The following CFAP43 variants were observed in gnomAD, a reference collection of about 807,000 sequenced individuals.
CFAP43 encodes cilia- and flagella-associated protein 43.
In CFAP43, 155 loss-of-function variants were observed where a neutral mutation model predicts 218.9. The ratio of observed to expected loss-of-function variants is 0.71; its 90% confidence interval spans 0.62 to 0.81. The LOEUF is 0.81. CFAP43 is among the 30% of genes least tolerant of loss of function. The pLI is 0.00. For synonymous variants in CFAP43, 645 were observed against 681.3 expected (o/e 0.95, Z 0.83); for missense variants, 1,778 against 1,954.3 (o/e 0.91, Z 1.70).
chr10:104,164,554 C>T (rs934480010), intron 23 of CFAP43, among the ~76,000 whole-genome samples: 4 of 152,058 alleles, frequency 2.6e-5, no homozygotes, highest in Admixed American at 6.6e-5. Context: ...CCCGCTACCA[C>T]GCCCGGCTAA....
At chr10:104,134,304 A>G (rs543778492) in intron 34 of CFAP43, among the ~76,000 whole-genome samples, 1 of 152,288 alleles carries the variant, frequency 6.6e-6, no homozygotes, top group Non-Finnish European at 1.5e-5. Context: ...AGGCTGAGGC[A>G]GGAGGATCAC....
At chr10:104,133,809 C>T in intron 34 of CFAP43, 25 bp from the exon 35 acceptor site, 2 of 1,554,120 alleles carry the variant, frequency 1.3e-6, no homozygotes, top group Non-Finnish European at 8.7e-7. Context: ...ATTAGATATC[C>T]ATATAATATG....
chr10:104,136,275 A>AG lies in CFAP43; in HGVS notation c.4432-2492_4432-2491insC, dbSNP rs1564707872. ...CTCCATTTCAAAAAAAAAAAAAAAAAAAAGAAGAAAAGAAAAGAAGAAAGA... is the reference window on the plus strand; with the variant it reads ...CTCCATTTCAAAAAAAAAAAAAAAAAGAAAGAAGAAAAGAAAAGAAGAAAGA... On this transcript the variant is annotated intron_variant, in intron 34 of 37. Coordinates refer to ENST00000357060, the MANE Select transcript of CFAP43 (RefSeq NM_025145.7). Among the ~76,000 whole-genome samples the AG allele has an allele frequency of 6.7e-5, 10 of 149,872 alleles. 1 individual carries two copies. The highest frequency in any genetic ancestry group is 4.2e-4 in the South Asian group (2 of 4,768).
chr10:104,222,959 G>C (rs913995719), intron 3 of CFAP43, among the ~76,000 whole-genome samples: 11 of 152,212 alleles, frequency 7.2e-5, no homozygotes, highest in African/African-American at 2.4e-4. Context: ...TAAAGGACCA[G>C]ACAGTTAATC....
At chr10:104,131,062 A>G (rs1282691349) in intron 37 of CFAP43, among the ~76,000 whole-genome samples, 2 of 149,908 alleles carry the variant, frequency 1.3e-5, no homozygotes, top group Middle Eastern at 3.2e-3. Context: ...GGAGGCAGGG[A>G]GGGAGGAAGG....
chr10:104,203,932 A>T, intron 7 of CFAP43, 129 bp from the exon 8 acceptor site: 3 of 757,828 alleles, frequency 4.0e-6, no homozygotes, highest in Non-Finnish European at 5.7e-6. Context: ...ATGTTTGCAT[A>T]GATGCACTGT....
intron 5 of CFAP43, among the ~76,000 whole-genome samples, chr10:104,210,744 T>TAGGGCCTTGCACATGC (rs1266751151): frequency 6.6e-5 from 10 of 150,616 alleles, no homozygotes; most frequent in African/African-American, 2.4e-4. Context: ...CTTTTTCCCT[T>TAGGGCCTTGCACATGC]AGGGCCTTGC....
intron 31 of CFAP43, among the ~76,000 whole-genome samples, chr10:104,143,903 G>A (rs760053613): frequency 1.3e-5 from 2 of 152,170 alleles, no homozygotes; most frequent in African/African-American, 2.4e-5. Flanking sequence ...TCTGTGCTAG[G>A]ACACATTTCC....
intron 24 of CFAP43, 77 bp downstream of exon 24, chr10:104,164,017 G>T: frequency 1.4e-6 from 2 of 1,475,020 alleles, no homozygotes; most frequent in Non-Finnish European, 1.9e-6. Flanking sequence ...TTCCCACAGA[G>T]TAACCAAGTT....
chr10:104,230,455 A>T, intron 2 of CFAP43, 135 bp downstream of exon 2: 2 of 1,183,820 alleles, frequency 1.7e-6, no homozygotes, highest in Non-Finnish European at 2.3e-6. Context: ...ACAGGGCAAA[A>T]CTCCATCTCA....
At chr10:104,208,553 T>TA (rs2090763330) in intron 5 of CFAP43, among the ~76,000 whole-genome samples, 2 of 152,104 alleles carry the variant, frequency 1.3e-5, no homozygotes, top group African/African-American at 4.8e-5. Flanking sequence ...GCAGAAACAA[T>TA]AGTTTATAAT....
Position 104,207,610 on chromosome 10 carries a change from C to CA in CFAP43, c.895+54dup, listed in dbSNP as rs911269975. 1.1e-5 allele frequency: 17 copies of CA among 1,519,812 alleles called. No individual in the cohort carries two copies. In the African/African-American group the frequency reaches 2.1e-4, roughly 19 times the overall value. 94.1% of individuals were successfully genotyped at this position (1,519,812 alleles called of 1,614,324 possible). The stretch of plus-strand genomic sequence containing the variant: ...CAAGAAAGAGAAAAATAGGGAAAAC[C>CA]AAAAAAACCAACACCCATGGCTATA... On this transcript the variant is annotated intron_variant, in intron 6 of 37. Transcript: ENST00000357060.
intron 27 of CFAP43, among the ~76,000 whole-genome samples, chr10:104,155,554 G>C (rs186935971): frequency 1.6e-4 from 25 of 152,210 alleles, no homozygotes; most frequent in Middle Eastern, 3.4e-3. Context: ...GGGGAGGAGA[G>C]GCACAGGTAA....
chr10:104,221,852 C>T (rs1362047787), intron 3 of CFAP43, among the ~76,000 whole-genome samples: 5 of 152,060 alleles, frequency 3.3e-5, no homozygotes, highest in Non-Finnish European at 7.4e-5. Flanking sequence ...GGATTAAATG[C>T]ACTAACCCAT....
intron 10 of CFAP43, among the ~76,000 whole-genome samples, chr10:104,196,464 C>A (rs1261427331): frequency 6.6e-6 from 1 of 152,178 alleles, no homozygotes; most frequent in Non-Finnish European, 1.5e-5. Flanking sequence ...TTTCAGCACT[C>A]TCTTCCTCTC....
At chr10:104,152,820 G>A in intron 27 of CFAP43, 94 bp from the exon 28 acceptor site, 1 of 1,401,664 alleles carries the variant, frequency 7.1e-7, no homozygotes, top group Non-Finnish European at 9.6e-7. Context: ...GGGGCAGATG[G>A]AGGGCAGCCC....
chr10:104,215,617 C>G (rs1298943375), intron 3 of CFAP43, among the ~76,000 whole-genome samples: 2 of 152,138 alleles, frequency 1.3e-5, no homozygotes, highest in Non-Finnish European at 2.9e-5. Flanking sequence ...GTTGCCACCC[C>G]CCACCAGACC....
chr10:104,167,781 T>A, intron 21 of CFAP43, 44 bp from the exon 22 acceptor site: 1 of 1,461,028 alleles, frequency 6.8e-7, no homozygotes, highest in Non-Finnish European at 9.4e-7. Context: ...ATTTGTAGTA[T>A]AATTGTGTGT....
At chr10:104,164,067 G>A (rs1230284590) in intron 24 of CFAP43, 27 bp downstream of exon 24, 1 of 1,609,450 alleles carries the variant, frequency 6.2e-7, no homozygotes, top group Non-Finnish European at 8.5e-7. Flanking sequence ...GAGAAAGAAG[G>A]GAAAGGAGAA....
Sources: gnomAD v4.1 joint callset for allele counts (sites outside exome capture counted in the v4.1 genomes callset) on GRCh38, gnomAD v4.1.1 for gene constraint, MANE v1.5 for transcripts, NCBI Gene and HGNC (gene_info 2026-07-23, HGNC 2026-07-21) for gene names.